The following WDR89 variants were observed in gnomAD, a reference collection of about 807,000 sequenced individuals.
WDR89 encodes WD repeat-containing protein 89.
WDR89 carries 17 observed loss-of-function variants against 29.1 expected under a neutral mutation model. The ratio of observed to expected loss-of-function variants is 0.58; its 90% CI spans 0.40 to 0.88. The LOEUF (loss-of-function observed/expected upper bound fraction) is 0.88, where lower values mean the gene tolerates loss of function less well. WDR89 is among the 40% of genes least tolerant of loss of function. The probability of loss-of-function intolerance (pLI) is 0.00; values close to 1 mark genes in which losing one functional copy is unlikely to be tolerated. For synonymous variants in WDR89, 138 were observed against 157.8 expected (o/e 0.87, Z 0.94); for missense variants, 396 against 456.3 (o/e 0.87, Z 1.20).
At chr14:63,621,100 T>C (rs1019506062) in intron 2 of WDR89, among the ~76,000 whole-genome samples, 5 of 152,100 alleles carry the variant, frequency 3.3e-5, no homozygotes, top group Admixed American at 6.6e-5. Context: ...AATACATTTT[T>C]TTAAAAAGAA....
intron 1 of WDR89, among the ~76,000 whole-genome samples, chr14:63,639,568 T>A (rs189180283): frequency 2.6e-5 from 4 of 152,296 alleles, no homozygotes; most frequent in Non-Finnish European, 5.9e-5. Flanking sequence ...AGTTTGGCGA[T>A]AATCTGTACA....
chr14:63,620,897 C>CAAAAAAAAAAAA (rs539451063), intron 2 of WDR89, among the ~76,000 whole-genome samples: 2 of 82,988 alleles, frequency 2.4e-5, no homozygotes, highest in African/African-American at 1.1e-4. Flanking sequence ...GACTCCATCT[C>CAAAAAAAAAAAA]AAAAAAAAAA....
At chr14:63,629,500 G>T (rs946981372) in intron 1 of WDR89, among the ~76,000 whole-genome samples, 2 of 152,128 alleles carry the variant, frequency 1.3e-5, no homozygotes, top group Non-Finnish European at 2.9e-5. Context: ...TCTCCCTCAG[G>T]AACAGTTTAC....
At chr14:63,609,098 A>G (rs1881790600) in intron 2 of WDR89, among the ~76,000 whole-genome samples, 1 of 151,130 alleles carries the variant, frequency 6.6e-6, no homozygotes, top group African/African-American at 2.4e-5. Context: ...GCAACAGAGC[A>G]AAACTCCATC....
intron 1 of WDR89, among the ~76,000 whole-genome samples, chr14:63,629,658 T>C (rs183839591): frequency 1.7e-4 from 26 of 152,340 alleles, no homozygotes; most frequent in African/African-American, 6.3e-4. Context: ...TTAGTATTGC[T>C]GATCATAATG....
intron 2 of WDR89, 129 bp from the exon 3 acceptor site, chr14:63,600,102 A>C: frequency 2.1e-6 from 1 of 470,064 alleles, no homozygotes; most frequent in Non-Finnish European, 3.6e-6. Flanking sequence ...GGCTGGCATG[A>C]ATCAATCAAT....
chr14:63,635,920 C>A (rs972491010), intron 1 of WDR89, among the ~76,000 whole-genome samples: 2 of 152,082 alleles, frequency 1.3e-5, no homozygotes, highest in Admixed American at 1.3e-4. Flanking sequence ...TAGGAATATA[C>A]CTAACAGGCT....
intron 2 of WDR89, among the ~76,000 whole-genome samples, chr14:63,607,950 G>C (rs1216144288): frequency 6.6e-6 from 1 of 151,764 alleles, no homozygotes. Flanking sequence ...GCTCATGCCT[G>C]TAATCCCAAC....
chr14:63,641,280 G>GC (rs1884113337), intron 1 of WDR89: 1 of 152,114 alleles, frequency 6.6e-6, no homozygotes, highest in South Asian at 2.1e-4. Context: ...GTGAAAATGA[G>GC]AACACTCACA....
At chr14:63,638,711 T>C (rs1263361665) in intron 1 of WDR89, among the ~76,000 whole-genome samples, 1 of 152,198 alleles carries the variant, frequency 6.6e-6, no homozygotes, top group Admixed American at 6.5e-5. Flanking sequence ...TGTGGTGACT[T>C]AGGTTATTTT....
intron 1 of WDR89, among the ~76,000 whole-genome samples, chr14:63,636,528 A>G (rs1883749235): frequency 6.6e-6 from 1 of 152,238 alleles, no homozygotes; most frequent in Non-Finnish European, 1.5e-5. Flanking sequence ...CCATAAGGCC[A>G]TAGTCACCAA....
At position 63,632,446 on chromosome 14, in the gene WDR89, C is replaced by T. The variant is rs558232872; in HGVS notation, c.-137-7413G>A. On this transcript the variant is annotated intron_variant, in intron 1 of 2. Coordinates refer to ENST00000620954, the MANE Select transcript of WDR89 (RefSeq NM_080666.4). ...AGGAGTTCAAGACCAGCCTGGCCAACATGGTGAAACCCGTCTCTACTTAAA... is the reference window on the plus strand; with the variant it reads ...AGGAGTTCAAGACCAGCCTGGCCAATATGGTGAAACCCGTCTCTACTTAAA... 2.0e-4 allele frequency among the ~76,000 whole-genome samples: 31 copies of T among 152,198 alleles called. 2 individuals carry two copies. In the South Asian group the frequency reaches 6.4e-3, roughly 32 times the overall value.
intron 1 of WDR89, among the ~76,000 whole-genome samples, chr14:63,636,486 G>A (rs543661709): frequency 1.5e-4 from 23 of 152,134 alleles, no homozygotes; most frequent in Non-Finnish European, 2.1e-4. Context: ...TAACAAATCT[G>A]GAGGCATCAC....
chr14:63,629,883 C>T (rs548808316), intron 1 of WDR89, among the ~76,000 whole-genome samples: 2 of 152,272 alleles, frequency 1.3e-5, no homozygotes, highest in South Asian at 4.1e-4. Flanking sequence ...CTACGTTAAA[C>T]TATTTGAATA....
chr14:63,627,953 A>T (rs1282412145), intron 1 of WDR89, among the ~76,000 whole-genome samples: 1 of 152,194 alleles, frequency 6.6e-6, no homozygotes, highest in Non-Finnish European at 1.5e-5. Context: ...TTTCTCTAAT[A>T]GGCTGAGCAC....
At chr14:63,641,097 C>CAAAAAA (rs57478091) in intron 1 of WDR89, among the ~76,000 whole-genome samples, 70 of 62,528 alleles carry the variant, frequency 1.1e-3, no homozygotes, top group South Asian at 1.8e-3. Context: ...GACTCCATCT[C>CAAAAAA]AAAAAAAAAA....
chr14:63,611,335 CAAAA>C (rs769975882), intron 2 of WDR89, among the ~76,000 whole-genome samples: 6 of 22,914 alleles, frequency 2.6e-4, no homozygotes, highest in Non-Finnish European at 5.7e-4. Context: ...GGCCCTGTCG[CAAAA>C]AAAAAAAAAA....
chr14:63,618,731 A>C (rs1882480493), intron 2 of WDR89, among the ~76,000 whole-genome samples: 1 of 152,182 alleles, frequency 6.6e-6, no homozygotes, highest in African/African-American at 2.4e-5. Flanking sequence ...TTCAGCAAAA[A>C]GGATAGCAAA....
chr14:63,618,492 C>T (rs1295466096), intron 2 of WDR89, among the ~76,000 whole-genome samples: 1 of 151,898 alleles, frequency 6.6e-6, no homozygotes, highest in Non-Finnish European at 1.5e-5. Flanking sequence ...ATTCAGACAA[C>T]AGGAAAGAAT....
Sources: allele counts gnomAD v4.1 joint callset (sites outside exome capture counted in the v4.1 genomes callset), GRCh38; gene constraint gnomAD v4.1.1; transcripts MANE v1.5; gene names NCBI Gene and HGNC (gene_info 2026-07-23, HGNC 2026-07-21).